The following GRIK1 variants were observed in gnomAD, a reference collection of about 807,000 sequenced individuals.
GRIK1 encodes the protein glutamate ionotropic receptor kainate type subunit 1.
Under a neutral mutation model 105.7 loss-of-function variants are expected in GRIK1, and 69 were observed. That is an observed-to-expected ratio of 0.65 (90% CI 0.54 to 0.80). The LOEUF is 0.80. Among genes scored for constraint, GRIK1 ranks in the 30% least tolerant of loss-of-function variants. The pLI is 0.00. For synonymous variants in GRIK1, 438 were observed against 431.3 expected (o/e 1.02, Z -0.19); for missense variants, 1,109 against 1,167.3 (o/e 0.95, Z 0.73).
In GRIK1 at chr21:29,563,670, T is replaced by C. The variant is rs549037751; in HGVS notation, c.2131-1821A>G. ...ACAAGCGCAGAAAGGTCAGTCTATCTTGTGGCAGTAAATGCACAGCTGCGA... is the reference window on the plus strand; with the variant it reads ...ACAAGCGCAGAAAGGTCAGTCTATCCTGTGGCAGTAAATGCACAGCTGCGA... On this transcript the variant is annotated intron_variant, in intron 14 of 17. Coordinates refer to ENST00000327783, the MANE Select transcript of GRIK1 (RefSeq NM_001330994.2). 5.9e-5 allele frequency among the ~76,000 whole-genome samples: 9 copies of C among 152,324 alleles called. No individual in the cohort carries two copies. In the South Asian group the frequency reaches 1.5e-3, roughly 25 times the overall value.
At chr21:29,691,554 AC>A (rs2063585369) in intron 2 of GRIK1, among the ~76,000 whole-genome samples, 1 of 152,238 alleles carries the variant, frequency 6.6e-6, no homozygotes, top group Admixed American at 6.5e-5. Flanking sequence ...TTTGCCCTCT[AC>A]AACCATGTAA....
intron 4 of GRIK1, among the ~76,000 whole-genome samples, chr21:29,671,553 C>G (rs2063161083): frequency 6.6e-6 from 1 of 152,010 alleles, no homozygotes; most frequent in South Asian, 2.1e-4. Flanking sequence ...GATGGAGCAC[C>G]AGAGAGTCAG....
chr21:29,682,998 A>C (rs2063411159), intron 3 of GRIK1, among the ~76,000 whole-genome samples: 1 of 152,250 alleles, frequency 6.6e-6, no homozygotes, highest in Admixed American at 6.5e-5. Flanking sequence ...TTCTCAAAAG[A>C]AGACACGCAA....
intron 1 of GRIK1, among the ~76,000 whole-genome samples, chr21:29,801,128 A>G (rs964823644): frequency 1.3e-5 from 2 of 152,056 alleles, no homozygotes; most frequent in African/African-American, 4.8e-5. Flanking sequence ...AGGGACAGAA[A>G]TGAGCTTAGA....
At chr21:29,848,779 A>AT (rs1555898508) in intron 1 of GRIK1, among the ~76,000 whole-genome samples, 5,196 of 77,866 alleles carry the variant, frequency 0.067, 375 homozygotes, top group African/African-American at 0.16. Flanking sequence ...ATATATATAT[A>AT]TTTTTTTTTT....
At chr21:29,897,155 T>A (rs1362513964) in intron 1 of GRIK1, among the ~76,000 whole-genome samples, 1 of 152,174 alleles carries the variant, frequency 6.6e-6, no homozygotes, top group Non-Finnish European at 1.5e-5. Flanking sequence ...TCTGAGTGAT[T>A]TGTAGCAAGT....
At chr21:29,662,262 T>C (rs1465722325) in intron 4 of GRIK1, among the ~76,000 whole-genome samples, 2 of 152,218 alleles carry the variant, frequency 1.3e-5, no homozygotes, top group Non-Finnish European at 1.5e-5. Flanking sequence ...GATTATGCTA[T>C]TTAAGGAGTG....
chr21:29,781,421 T>C (rs1235445689), intron 1 of GRIK1, among the ~76,000 whole-genome samples: 3 of 152,112 alleles, frequency 2.0e-5, no homozygotes, highest in African/African-American at 4.8e-5. Context: ...CCATGCAATA[T>C]CCCTCTTTAT....
At chr21:29,734,179 C>A (rs189022005) in intron 1 of GRIK1, among the ~76,000 whole-genome samples, 6 of 152,144 alleles carry the variant, frequency 3.9e-5, no homozygotes. Flanking sequence ...AAATGCCCCA[C>A]TTCCAAGCAC....
chr21:29,939,198 C>A (rs986896222), intron 1 of GRIK1, among the ~76,000 whole-genome samples, 185 bp downstream of exon 1: 1 of 152,294 alleles, frequency 6.6e-6, no homozygotes, highest in African/African-American at 2.4e-5. Context: ...AGGCCGGCAC[C>A]CTCCAGGAGG....
At chr21:29,621,390 A>G (rs541088649) in intron 7 of GRIK1, among the ~76,000 whole-genome samples, 6 of 151,064 alleles carry the variant, frequency 4.0e-5, no homozygotes, top group African/African-American at 9.8e-5. Flanking sequence ...ATTGGGCCTG[A>G]GGGGTGTGTG....
intron 1 of GRIK1, among the ~76,000 whole-genome samples, chr21:29,795,067 CCTCT>C (rs2066521493): frequency 7.8e-6 from 1 of 127,662 alleles, no homozygotes; most frequent in African/African-American, 3.0e-5. Flanking sequence ...ATGGAGTCTC[CCTCT>C]GTCACCCAGG....
At chr21:29,866,313 G>A (rs1405083339) in intron 1 of GRIK1, among the ~76,000 whole-genome samples, 1 of 152,104 alleles carries the variant, frequency 6.6e-6, no homozygotes, top group Non-Finnish European at 1.5e-5. Context: ...ATCTGCACCT[G>A]CCTCAGCCTC....
At chr21:29,547,800 CT>C in intron 16 of GRIK1, among the ~76,000 whole-genome samples, 1 of 152,310 alleles carries the variant, frequency 6.6e-6, no homozygotes, top group Non-Finnish European at 1.5e-5. Context: ...ATTAAAGAGA[CT>C]TTTGCAAATC....
chr21:29,867,488 C>T (rs2068838365), intron 1 of GRIK1, among the ~76,000 whole-genome samples: 1 of 151,946 alleles, frequency 6.6e-6, no homozygotes, highest in African/African-American at 2.4e-5. Context: ...ATTCCATCAC[C>T]ACGACTTCAG....
intron 1 of GRIK1, among the ~76,000 whole-genome samples, chr21:29,888,165 C>CTTTA (rs1427987197): frequency 2.2e-4 from 1 of 4,482 alleles, no homozygotes; most frequent in Non-Finnish European, 8.8e-4. Flanking sequence ...TTTCTTTTTT[C>CTTTA]TTTCTTTCTT....
chr21:29,808,423 A>C (rs1040526188), intron 1 of GRIK1, among the ~76,000 whole-genome samples: 7 of 152,212 alleles, frequency 4.6e-5, no homozygotes, highest in African/African-American at 1.7e-4. Context: ...ACCAACTGGC[A>C]TCATCAAGAC....
Position 29,694,073 on chromosome 21 carries a change from C to G in GRIK1, c.119-10G>C. The G allele has an allele frequency of 6.6e-7, 1 of 1,507,074 alleles. No individual in the cohort carries two copies. Among genetic ancestry groups the G allele is most frequent in the Non-Finnish European group, 9.1e-7 (1 of 1,093,224 alleles). 93.4% of individuals were successfully genotyped at this position (1,507,074 alleles called of 1,614,324 possible). On this transcript the variant is annotated splice_polypyrimidine_tract_variant and intron_variant, in intron 1 of 17. Coordinates refer to ENST00000327783, the MANE Select transcript of GRIK1 (RefSeq NM_001330994.2). ...GTTTCAAAAATCCCTCCTGCAGAAG[C>G]AAAAGAGATGCATGAGAAGCGTTAG...
At chr21:29,890,920 T>G (rs534835687) in intron 1 of GRIK1, among the ~76,000 whole-genome samples, 3 of 152,300 alleles carry the variant, frequency 2.0e-5, no homozygotes, top group Admixed American at 2.0e-4. Flanking sequence ...TTGGTCTGTT[T>G]TTTGTATGTG....
Sources: allele counts gnomAD v4.1 joint callset (sites outside exome capture counted in the v4.1 genomes callset), GRCh38; gene constraint gnomAD v4.1.1; transcripts MANE v1.5; gene names NCBI Gene and HGNC (gene_info 2026-07-23, HGNC 2026-07-21).